Variants in ABCC4 observed in about 807,000 individuals in gnomAD.
ABCC4 encodes the protein ATP binding cassette subfamily C member 4 (PEL blood group), also known as ATP-binding cassette sub-family C member 4.
ABCC4 carries 102 observed loss-of-function variants against 168.5 expected under a neutral mutation model. The observed-to-expected ratio is 0.61, with a 90% CI of 0.52 to 0.71. The LOEUF is 0.71. ABCC4 is among the 30% of genes least tolerant of loss of function. The pLI, the probability that ABCC4 is intolerant of heterozygous loss-of-function variation, is 0.00. For missense variants in ABCC4, 1,402 were observed against 1,605.8 expected (o/e 0.87, Z 2.17); for synonymous variants, 617 against 590.7 (o/e 1.04, Z -0.65).
intron 20 of ABCC4, among the ~76,000 whole-genome samples, chr13:95,096,708 T>A (rs2034611575): frequency 6.6e-6 from 1 of 152,084 alleles, no homozygotes; most frequent in Admixed American, 6.5e-5. Context: ...ATCTTCTATC[T>A]GTTGAAAAGA....
intron 26 of ABCC4, among the ~76,000 whole-genome samples, chr13:95,059,975 C>T (rs986039780): frequency 6.6e-6 from 1 of 152,222 alleles, no homozygotes. Flanking sequence ...GGTCACACTT[C>T]TATCAGGCAG....
At chr13:95,204,885 C>T (rs2038735827) in intron 8 of ABCC4, among the ~76,000 whole-genome samples, 1 of 152,180 alleles carries the variant, frequency 6.6e-6, no homozygotes. Flanking sequence ...GAGCCCTGGT[C>T]CACGGTACAC....
intron 30 of ABCC4, among the ~76,000 whole-genome samples, chr13:95,028,939 G>T (rs2031676321): frequency 6.6e-6 from 1 of 151,984 alleles, no homozygotes; most frequent in Non-Finnish European, 1.5e-5. Flanking sequence ...GCCAAGGTGG[G>T]TGGGTTACCT....
intron 4 of ABCC4, among the ~76,000 whole-genome samples, chr13:95,234,178 T>C (rs2039698064): frequency 6.6e-6 from 1 of 152,188 alleles, no homozygotes. Flanking sequence ...AACTGTGATG[T>C]AAGTGAAGGT....
In ABCC4 at chr13:95,301,270, G is replaced by T; in HGVS notation, c.45C>A (p.Asp15Glu). The part of the protein sequence containing the change: ...YQEVKPNPLQ[D>E]ANLCSRVFFW... The stretch of plus-strand genomic sequence containing the variant: ...AGAACACGCGTGAGCAGAGGTTCGC[G>T]TCCTGCAGCGGGTTGGGCTTCACCT... The change falls in exon 1 of 31, where the codon GAC becomes GAA. Residue 15 changes from aspartate (D) to glutamate (E), a missense_variant. Physicochemically the swap from Asp to Glu is conservative, Grantham distance 45. This residue lies in a region of ABCC4 where 317 missense variants were observed against 345.5 expected (regional missense o/e 0.92). Coordinates refer to ENST00000645237, the MANE Select transcript of ABCC4 (RefSeq NM_005845.5). The T allele has an allele frequency of 6.3e-7, 1 of 1,595,394 alleles. No individual in the cohort carries two copies. The highest frequency in any genetic ancestry group is 8.5e-7 in the Non-Finnish European group (1 of 1,171,586).
chr13:95,029,219 G>T (rs1299217358), intron 30 of ABCC4, among the ~76,000 whole-genome samples: 787 of 11,456 alleles, frequency 0.069, 12 homozygotes, highest in African/African-American at 0.15. Flanking sequence ...TATATAGAGA[G>T]AGAGAGAGAG....
intron 19 of ABCC4, among the ~76,000 whole-genome samples, chr13:95,144,475 G>C (rs747813832): frequency 2.0e-5 from 3 of 152,048 alleles, no homozygotes; most frequent in Non-Finnish European, 4.4e-5. Flanking sequence ...CTTCGTAGAC[G>C]ACATGATTCT....
intron 29 of ABCC4, among the ~76,000 whole-genome samples, chr13:95,035,248 C>T (rs1433820311): frequency 1.3e-5 from 2 of 152,140 alleles, no homozygotes; most frequent in Admixed American, 1.3e-4. Context: ...GAAGTAAATG[C>T]TTCTGGAATT....
chr13:95,120,648 AC>A (rs1344098663), intron 19 of ABCC4, among the ~76,000 whole-genome samples: 2 of 151,208 alleles, frequency 1.3e-5, no homozygotes, highest in African/African-American at 4.9e-5. Context: ...GAGAGGGTGG[AC>A]CCTCAGGTAC....
At chr13:95,258,957 C>T (rs1366348883) in intron 1 of ABCC4, among the ~76,000 whole-genome samples, 4 of 152,156 alleles carry the variant, frequency 2.6e-5, no homozygotes. Flanking sequence ...CTGCTGGGCC[C>T]GGCCTGGGGG....
chr13:95,186,194 T>G (rs1015004274), intron 11 of ABCC4, among the ~76,000 whole-genome samples: 9 of 150,866 alleles, frequency 6.0e-5, no homozygotes, highest in African/African-American at 2.2e-4. Flanking sequence ...TTTTCAAAAG[T>G]GTTCTTATCT....
chr13:95,244,666 A>AATC lies in ABCC4; in HGVS notation c.306+2308_306+2309insGAT, dbSNP rs1555336461. 3.6e-3 allele frequency among the ~76,000 whole-genome samples: 316 copies of AATC among 87,994 alleles called. 62 individuals carry two copies. Among genetic ancestry groups the AATC allele is most frequent in the Non-Finnish European group, 4.5e-3 (177 of 39,708 alleles). The allele number at this position is 87,994 out of a possible 152,430, so 57.7% of individuals were successfully genotyped here. ...GAAAGAAAGAAAGAAAGAAAGAAAG[A>AATC]AAGAAATCATAGCAGTTCCTGGTAC... is the stretch of plus-strand genomic sequence containing the variant. On this transcript the variant is annotated intron_variant, in intron 3 of 30. Transcript: ENST00000645237.
intron 25 of ABCC4, among the ~76,000 whole-genome samples, chr13:95,065,205 T>C (rs1012865283): frequency 6.6e-6 from 1 of 152,234 alleles, no homozygotes; most frequent in African/African-American, 2.4e-5. Flanking sequence ...AAATATTACT[T>C]GTTCTGTTTC....
At chr13:95,068,021 C>A (rs1392556347) in intron 25 of ABCC4, among the ~76,000 whole-genome samples, 2 of 152,132 alleles carry the variant, frequency 1.3e-5, no homozygotes, top group South Asian at 2.1e-4. Context: ...GAATTAGAAA[C>A]CTACTTAGCG....
chr13:95,196,733 AAGG>A lies in ABCC4; in HGVS notation c.1162-1799_1162-1797del, dbSNP rs1236263602. 5.1e-5 allele frequency among the ~76,000 whole-genome samples: 4 copies of A among 78,944 alleles called. 1 individual carries two copies. The highest frequency in any genetic ancestry group is 7.4e-5 in the African/African-American group (2 of 26,888). 51.8% of individuals were successfully genotyped at this position (78,944 alleles called of 152,430 possible). On this transcript the variant is annotated intron_variant, in intron 8 of 30. Transcript: ENST00000645237. ...GGAAGGAAGGAAGGAAGGAAGGAAG[AAGG>A]GAGGGAGGGAAGGAAGGAAAGAAAG...
chr13:95,270,326 C>T (rs1311217527), intron 1 of ABCC4, among the ~76,000 whole-genome samples: 3 of 133,410 alleles, frequency 2.2e-5, no homozygotes, highest in South Asian at 2.5e-4. Flanking sequence ...AAATATTCCA[C>T]ATTACCAGGC....
At chr13:95,289,121 A>T (rs574451566) in intron 1 of ABCC4, among the ~76,000 whole-genome samples, 2 of 152,336 alleles carry the variant, frequency 1.3e-5, no homozygotes, top group African/African-American at 2.4e-5. Context: ...CAGTAATCTG[A>T]GGGATTACTT....
intron 27 of ABCC4, among the ~76,000 whole-genome samples, chr13:95,050,700 ACCACGTCTT>A (rs2032793141): frequency 6.6e-6 from 1 of 152,218 alleles, no homozygotes; most frequent in Admixed American, 6.5e-5. Context: ...AGGGGGACCT[ACCACGTCTT>A]CCACCTCATC....
intron 20 of ABCC4, among the ~76,000 whole-genome samples, chr13:95,095,286 T>TTATC (rs55957658): frequency 0.23 from 34,262 of 146,248 alleles, 4,043 homozygotes; most frequent in Admixed American, 0.27. Context: ...AACTGTGAGA[T>TTATC]TATCTATCTA....
Sources: allele counts gnomAD v4.1 joint callset (sites outside exome capture counted in the v4.1 genomes callset), GRCh38; gene constraint gnomAD v4.1.1; regional missense constraint gnomAD v4.1.1; transcripts MANE v1.5; gene names NCBI Gene and HGNC (gene_info 2026-07-23, HGNC 2026-07-21).